Variants in ROR2 observed in about 807,000 individuals in gnomAD.
ROR2 encodes the protein ROR family WNT receptor 2, also known as tyrosine-protein kinase transmembrane receptor ROR2.
A neutral mutation model predicts 74.9 loss-of-function variants in ROR2; 33 were observed. The observed-to-expected ratio is 0.44, with a 90% CI of 0.33 to 0.59. The LOEUF (loss-of-function observed/expected upper bound fraction) is 0.59, where lower values mean the gene tolerates loss of function less well. Among genes scored for constraint, ROR2 ranks in the 20% least tolerant of loss-of-function variants. The pLI is 0.02. For missense variants in ROR2, 1,216 were observed against 1,313.8 expected (o/e 0.93, Z 1.15); for synonymous variants, 586 against 558.7 (o/e 1.05, Z -0.69).
At chr9:91,780,340 C>T (rs1826570242) in intron 1 of ROR2, among the ~76,000 whole-genome samples, 1 of 151,082 alleles carries the variant, frequency 6.6e-6, no homozygotes, top group Non-Finnish European at 1.5e-5. Context: ...TCACGCCACA[C>T]TACTCCAGCC....
At chr9:91,762,565 T>C (rs1417074130) in intron 2 of ROR2, among the ~76,000 whole-genome samples, 1 of 152,226 alleles carries the variant, frequency 6.6e-6, no homozygotes, top group African/African-American at 2.4e-5. Flanking sequence ...AGATTTGACA[T>C]TAATTTTCCC....
intron 1 of ROR2, among the ~76,000 whole-genome samples, chr9:91,925,682 G>A (rs1481736708): frequency 2.0e-5 from 3 of 152,108 alleles, no homozygotes; most frequent in Admixed American, 6.6e-5. Flanking sequence ...TAATCCATAG[G>A]AACTCAAATA....
At chr9:91,789,995 C>T (rs898505014) in intron 1 of ROR2, among the ~76,000 whole-genome samples, 1 of 152,124 alleles carries the variant, frequency 6.6e-6, no homozygotes, top group African/African-American at 2.4e-5. Flanking sequence ...AAACAACCAC[C>T]ATGAGAAATC....
chr9:91,746,174 T>C (rs1185404585), intron 4 of ROR2, among the ~76,000 whole-genome samples: 1 of 152,066 alleles, frequency 6.6e-6, no homozygotes, highest in Non-Finnish European at 1.5e-5. Context: ...CCTCCCAGGT[T>C]CAAGCAATTC....
intron 1 of ROR2, among the ~76,000 whole-genome samples, chr9:91,872,085 A>G (rs1331534019): frequency 2.6e-5 from 4 of 152,256 alleles, no homozygotes; most frequent in Non-Finnish European, 4.4e-5. Flanking sequence ...AGCAACAGAT[A>G]ACAAAAACAG....
At chr9:91,936,076 C>G (rs781284008) in intron 1 of ROR2, among the ~76,000 whole-genome samples, 2 of 152,256 alleles carry the variant, frequency 1.3e-5, no homozygotes, top group African/African-American at 4.8e-5. Flanking sequence ...CGGGGCCAGA[C>G]AGCTCACCAC....
intron 4 of ROR2, among the ~76,000 whole-genome samples, chr9:91,745,021 G>A (rs1825363056): frequency 6.6e-6 from 1 of 152,150 alleles, no homozygotes; most frequent in South Asian, 2.1e-4. Context: ...ACCTAAAGCG[G>A]CATTCCATGT....
chr9:91,817,260 G>A (rs542244371), intron 1 of ROR2, among the ~76,000 whole-genome samples: 1 of 152,308 alleles, frequency 6.6e-6, no homozygotes, highest in South Asian at 2.1e-4. Context: ...GGGCAGAACT[G>A]GACTGTCCCC....
Position 91,724,211 on chromosome 9 carries a change from G to C in ROR2, c.2283C>G (p.Thr761=). ...NLSNYNSSAQ[T]SGASNTTQTS... is the part of the protein sequence containing the mutation. ...TCTGCGTGGTGTTGCTGGCCCCCGA[G>C]GTCTGCGCCGAGCTGTTGTAGTTGG... The change falls in exon 9 of 9, where the codon ACC becomes ACG. Residue 761 remains threonine (T), a synonymous_variant. Transcript: ENST00000375708. 6.2e-7 allele frequency: 1 copy of C among 1,613,276 alleles called. No individual in the cohort carries two copies. Among genetic ancestry groups the C allele is most frequent in the Non-Finnish European group, 8.5e-7 (1 of 1,180,024 alleles).
chr9:91,900,960 G>C (rs1028949683), intron 1 of ROR2, among the ~76,000 whole-genome samples: 1 of 152,178 alleles, frequency 6.6e-6, no homozygotes, highest in African/African-American at 2.4e-5. Flanking sequence ...TCCCTTTTCT[G>C]GGCAGATTGT....
chr9:91,909,253 AC>A (rs797004865), intron 1 of ROR2, among the ~76,000 whole-genome samples: 19 of 151,918 alleles, frequency 1.3e-4, no homozygotes, highest in African/African-American at 4.6e-4. Flanking sequence ...CATGATGCAC[AC>A]CCCCTCTGCA....
chr9:91,829,371 C>T (rs1828388787), intron 1 of ROR2, among the ~76,000 whole-genome samples: 3 of 151,642 alleles, frequency 2.0e-5, no homozygotes, highest in Middle Eastern at 3.2e-3. Flanking sequence ...GGTGAAACCC[C>T]GTCTCTACTA....
At chr9:91,747,633 G>A (rs1587681525) in intron 4 of ROR2, among the ~76,000 whole-genome samples, 1 of 152,228 alleles carries the variant, frequency 6.6e-6, no homozygotes, top group African/African-American at 2.4e-5. Context: ...GTCACTGATT[G>A]ATAAACTGGT....
intron 1 of ROR2, among the ~76,000 whole-genome samples, chr9:91,855,659 C>T (rs528459991): frequency 2.0e-5 from 3 of 152,286 alleles, no homozygotes; most frequent in Admixed American, 2.0e-4. Context: ...GCAGTGTGAA[C>T]AGGCTTCCTC....
In ROR2 at chr9:91,874,935, A is replaced by G. The variant is rs1418510858; in HGVS notation, c.97+74932T>C. 7.5e-5 allele frequency among the ~76,000 whole-genome samples: 11 copies of G among 147,390 alleles called. 1 individual carries two copies. Among genetic ancestry groups the G allele is most frequent in the Non-Finnish European group, 1.4e-4 (9 of 66,608 alleles). On this transcript the variant is annotated intron_variant, in intron 1 of 8. Transcript: ENST00000375708. The stretch of plus-strand genomic sequence containing the variant: ...GCAACAAGAGCGAAACTCCGTCTCA[A>G]AAAAAAAAAAAAGGAAAGACAACTG...
At chr9:91,728,735 T>C (rs1302808946) in intron 7 of ROR2, among the ~76,000 whole-genome samples, 1 of 152,224 alleles carries the variant, frequency 6.6e-6, no homozygotes, top group Non-Finnish European at 1.5e-5. Context: ...CCGGCCTAAA[T>C]GAACTTGATT....
chr9:91,815,909 G>A (rs761149486), intron 1 of ROR2, among the ~76,000 whole-genome samples: 1 of 152,116 alleles, frequency 6.6e-6, no homozygotes, highest in African/African-American at 2.4e-5. Flanking sequence ...TGGCTCTCAC[G>A]GCACAAACTC....
intron 1 of ROR2, among the ~76,000 whole-genome samples, chr9:91,842,282 C>T (rs75151113): frequency 0.025 from 3,859 of 152,348 alleles, 158 homozygotes; most frequent in African/African-American, 0.087. Context: ...GTGTCACAAA[C>T]ATCTACTGTC....
At chr9:91,824,049 A>C (rs537982008) in intron 1 of ROR2, among the ~76,000 whole-genome samples, 4 of 152,232 alleles carry the variant, frequency 2.6e-5, no homozygotes, top group Non-Finnish European at 5.9e-5. Flanking sequence ...GCTTCACAGC[A>C]GTGTGTCTAA....
Sources: gnomAD v4.1 joint callset for allele counts (sites outside exome capture counted in the v4.1 genomes callset) on GRCh38, gnomAD v4.1.1 for gene constraint, MANE v1.5 for transcripts, NCBI Gene and HGNC (gene_info 2026-07-23, HGNC 2026-07-21) for gene names.